The following TENM2 variants were observed in gnomAD, a reference collection of about 807,000 sequenced individuals.
TENM2 encodes teneurin-2.
A neutral mutation model predicts 245.2 loss-of-function variants in TENM2; 52 were observed. That is an observed-to-expected ratio of 0.21 (90% CI 0.17 to 0.27). The LOEUF is 0.27. Ranked by LOEUF, TENM2 falls within the 10% of genes least tolerant of loss-of-function variation. The pLI, the probability that TENM2 is intolerant of heterozygous loss-of-function variation, is 1.00. For synonymous variants in TENM2, 1,363 were observed against 1,438.9 expected, an observed-to-expected ratio of 0.95 and a Z score of 1.19; for missense variants, 3,046 against 3,666.8, an observed-to-expected ratio of 0.83 and a Z score of 4.37.
At chr5:167,177,126 G>T in the TENM2 span, among the ~76,000 whole-genome samples, 1 of 151,968 alleles carries the variant, frequency 6.6e-6, no homozygotes, top group African/African-American at 2.4e-5. Context: ...TGAGACAAAG[G>T]GGAAATGAAT....
intron 3 of TENM2, among the ~76,000 whole-genome samples, chr5:167,925,126 C>T (rs1036016405): frequency 5.9e-5 from 9 of 152,162 alleles, no homozygotes; most frequent in African/African-American, 1.9e-4. Context: ...ATAAATCAAA[C>T]GTCTATCCAC....
At chr5:168,246,838 C>G (rs751540006) in exon 27 of TENM2, 12 of 1,613,874 alleles carry the variant, frequency 7.4e-6, no homozygotes, top group Non-Finnish European at 8.5e-6. Context: ...CGTCACCATG[C>G]CCAGCGTGGC....
At chr5:168,163,215 T>C (rs1757908047) in intron 13 of TENM2, among the ~76,000 whole-genome samples, 1 of 152,182 alleles carries the variant, frequency 6.6e-6, no homozygotes, top group Non-Finnish European at 1.5e-5. Context: ...TAAGTAACTT[T>C]TTCGAGATAA....
intron 2 of TENM2, among the ~76,000 whole-genome samples, chr5:167,833,867 C>T (rs1177331492): frequency 6.6e-6 from 1 of 152,196 alleles, no homozygotes; most frequent in Non-Finnish European, 1.5e-5. Flanking sequence ...TACTTATGAC[C>T]TCATTGCTCT....
chr5:167,587,589 G>A (rs1775592448), intron 2 of TENM2, among the ~76,000 whole-genome samples: 1 of 152,126 alleles, frequency 6.6e-6, no homozygotes, highest in Non-Finnish European at 1.5e-5. Context: ...AGAAGAATTG[G>A]AAAAGATTTC....
chr5:167,870,159 C>T (rs73370988), intron 2 of TENM2, among the ~76,000 whole-genome samples: 2,012 of 152,246 alleles, frequency 0.013, 44 homozygotes, highest in African/African-American at 0.045. Flanking sequence ...AAAGTTTTGA[C>T]TCAAGTTCTT....
chr5:167,551,187 G>A (rs1048966332), intron 2 of TENM2, among the ~76,000 whole-genome samples: 4 of 152,202 alleles, frequency 2.6e-5, no homozygotes, highest in Non-Finnish European at 5.9e-5. Context: ...AGTAATGCAT[G>A]TGTATTTATA....
chr5:167,587,268 T>TG (rs1198281538), intron 2 of TENM2, among the ~76,000 whole-genome samples: 1 of 152,184 alleles, frequency 6.6e-6, no homozygotes, highest in Non-Finnish European at 1.5e-5. Context: ...CAGAATAGTT[T>TG]GGGGAGTATT....
At chr5:167,569,425 G>A (rs1048285066) in intron 2 of TENM2, among the ~76,000 whole-genome samples, 1 of 152,058 alleles carries the variant, frequency 6.6e-6, no homozygotes, top group African/African-American at 2.4e-5. Context: ...ATGGAAGAAC[G>A]GGGCACAAAC....
chr5:167,575,877 A>G (rs889341208), intron 2 of TENM2, among the ~76,000 whole-genome samples: 2 of 152,120 alleles, frequency 1.3e-5, no homozygotes, highest in Non-Finnish European at 2.9e-5. Context: ...CTCAAATTCA[A>G]TCTCGTTTTT....
At chr5:167,031,300 CA>C in the TENM2 span, among the ~76,000 whole-genome samples, 4 of 152,234 alleles carry the variant, frequency 2.6e-5, no homozygotes, top group Non-Finnish European at 4.4e-5. Flanking sequence ...TCATTTCAAC[CA>C]AAGCTACAGA....
At chr5:168,078,503 C>A (rs1271262402) in intron 7 of TENM2, among the ~76,000 whole-genome samples, 2 of 152,130 alleles carry the variant, frequency 1.3e-5, no homozygotes, top group East Asian at 3.9e-4. Context: ...AAGCCCTTGC[C>A]CATGCCTATG....
At chr5:167,719,096 G>A (rs556782015) in intron 2 of TENM2, among the ~76,000 whole-genome samples, 37 of 152,014 alleles carry the variant, frequency 2.4e-4, no homozygotes, top group Non-Finnish European at 4.6e-4. Context: ...TGCAAATAAA[G>A]ACAAAAAGAT....
intron 2 of TENM2, among the ~76,000 whole-genome samples, chr5:167,529,503 A>G (rs1386617444): frequency 6.6e-6 from 1 of 152,186 alleles, no homozygotes; most frequent in African/African-American, 2.4e-5. Context: ...CACTTTCTGC[A>G]CTTAGGAGAA....
At chr5:167,413,144 T>A (rs1762994028) in intron 2 of TENM2, among the ~76,000 whole-genome samples, 1 of 152,164 alleles carries the variant, frequency 6.6e-6, no homozygotes, top group Admixed American at 6.6e-5. Context: ...TTATTTATTT[T>A]TTGGCTCTGA....
chr5:167,517,000 A>G (rs1770426047), intron 2 of TENM2, among the ~76,000 whole-genome samples: 1 of 152,234 alleles, frequency 6.6e-6, no homozygotes, highest in Non-Finnish European at 1.5e-5. Flanking sequence ...AACTTTTGCA[A>G]TTTCATAATG....
chr5:168,067,637 A>T (rs1170633993), intron 7 of TENM2, among the ~76,000 whole-genome samples: 1 of 152,178 alleles, frequency 6.6e-6, no homozygotes, highest in Non-Finnish European at 1.5e-5. Flanking sequence ...TTGCCTAAGT[A>T]AGCAAACCTG....
rs148568190 is a variant in TENM2, at chr5:168,171,694, GT to G, written c.2569+8944del. On this transcript the variant is annotated intron_variant, in intron 13 of 28. Transcript: ENST00000518659. Reference sequence around the variant, plus strand: ...TATTAAGTGTCTCTTAAGGGATTATGTTTTTTTCCCCCTGATTAGATGACAA... The same window carrying G: ...TATTAAGTGTCTCTTAAGGGATTATGTTTTTTCCCCCTGATTAGATGACAA... Among the ~76,000 whole-genome samples the G allele has an allele frequency of 4.5e-3, 682 of 152,142 alleles. 1 individual carries two copies. Among genetic ancestry groups the G allele is most frequent in the African/African-American group, 0.016 (644 of 41,500 alleles).
At chr5:167,022,041 G>T in the TENM2 span, among the ~76,000 whole-genome samples, 8 of 152,110 alleles carry the variant, frequency 5.3e-5, no homozygotes, top group Non-Finnish European at 1.2e-4. Context: ...TTATACTATG[G>T]AAATTCTTAT....
Sources: allele counts gnomAD v4.1 joint callset (sites outside exome capture counted in the v4.1 genomes callset), GRCh38; gene constraint gnomAD v4.1.1; transcripts MANE v1.5; gene names NCBI Gene and HGNC (gene_info 2026-07-23, HGNC 2026-07-21).